Variants in ADGRB3 observed in about 807,000 individuals in gnomAD.
ADGRB3 encodes adhesion G protein-coupled receptor B3.
Under a neutral mutation model 193.4 loss-of-function variants are expected in ADGRB3, and 37 were observed. The ratio of observed to expected loss-of-function variants is 0.19; its 90% confidence interval spans 0.15 to 0.25. The LOEUF (loss-of-function observed/expected upper bound fraction) is 0.25, where lower values mean the gene tolerates loss of function less well. ADGRB3 is among the 10% of genes least tolerant of loss of function. The pLI is 1.00. For missense variants in ADGRB3, 1,637 were observed against 1,852.9 expected (o/e 0.88, Z 2.14); for synonymous variants, 690 against 644.2 (o/e 1.07, Z -1.08).
At chr6:68,733,667 G>GA (rs1765817708) in intron 3 of ADGRB3, among the ~76,000 whole-genome samples, 1 of 150,718 alleles carries the variant, frequency 6.6e-6, no homozygotes, top group Admixed American at 6.6e-5. Context: ...GGCTAGTGGG[G>GA]TTTGGAGGGC....
chr6:68,691,740 A>G (rs1765079505), intron 3 of ADGRB3, among the ~76,000 whole-genome samples: 1 of 151,818 alleles, frequency 6.6e-6, no homozygotes, highest in Admixed American at 6.6e-5. Flanking sequence ...AATAGGTGCT[A>G]ATGTTCACCA....
At position 68,682,114 on chromosome 6, in the gene ADGRB3, A is replaced by C. The variant is rs530905978; in HGVS notation, c.757+42682A>C. ...ACCAGTTGCAGATGAGTGTCTTCCC[A>C]CTCTACATTTACAGCTGAATCTTTC... On this transcript the variant is annotated intron_variant, in intron 3 of 31. Coordinates refer to ENST00000370598, the MANE Select transcript of ADGRB3 (RefSeq NM_001704.3). Among the ~76,000 whole-genome samples the C allele has an allele frequency of 9.0e-4, 137 of 152,230 alleles. No homozygotes were observed. In the South Asian group the frequency reaches 0.014, roughly 16 times the overall value.
intron 3 of ADGRB3, among the ~76,000 whole-genome samples, chr6:68,713,371 T>C (rs1309275133): frequency 6.6e-6 from 1 of 151,840 alleles, no homozygotes; most frequent in African/African-American, 2.4e-5. Context: ...TCTGATTTCC[T>C]GGAGTTGATG....
intron 3 of ADGRB3, among the ~76,000 whole-genome samples, chr6:68,742,322 A>G (rs569597045): frequency 5.3e-5 from 8 of 152,318 alleles, no homozygotes; most frequent in East Asian, 1.9e-4. Flanking sequence ...TATGAATGGA[A>G]ATTTAATCCT....
chr6:69,353,655 A>G (rs1472983593), intron 26 of ADGRB3, among the ~76,000 whole-genome samples: 2 of 152,256 alleles, frequency 1.3e-5, no homozygotes, highest in African/African-American at 4.8e-5. Flanking sequence ...GTGTTGAGCC[A>G]GATATAGCTA....
At chr6:69,121,143 G>A (rs1773673512) in intron 17 of ADGRB3, among the ~76,000 whole-genome samples, 1 of 151,996 alleles carries the variant, frequency 6.6e-6, no homozygotes, top group Non-Finnish European at 1.5e-5. Context: ...CCTAGGCAGA[G>A]GTCCCTGCGG....
chr6:69,031,887 C>T (rs1770722707), intron 13 of ADGRB3, among the ~76,000 whole-genome samples: 1 of 152,044 alleles, frequency 6.6e-6, no homozygotes, highest in South Asian at 2.1e-4. Flanking sequence ...CCACCTTGGC[C>T]TCCAAAAGTG....
At chr6:69,378,175 C>T (rs1409078832) in intron 30 of ADGRB3, among the ~76,000 whole-genome samples, 1 of 151,998 alleles carries the variant, frequency 6.6e-6, no homozygotes, top group African/African-American at 2.4e-5. Flanking sequence ...GAAGACCAGC[C>T]ATTAAAAATA....
At chr6:68,804,587 C>T (rs1767369759) in intron 3 of ADGRB3, among the ~76,000 whole-genome samples, 1 of 152,028 alleles carries the variant, frequency 6.6e-6, no homozygotes, top group Non-Finnish European at 1.5e-5. Context: ...TGATAAGATT[C>T]TGTCCTCCAT....
intron 13 of ADGRB3, among the ~76,000 whole-genome samples, chr6:69,018,969 C>T (rs1443875678): frequency 6.6e-6 from 1 of 151,958 alleles, no homozygotes; most frequent in African/African-American, 2.4e-5. Context: ...TGGTAGAACA[C>T]TTGAGAATAA....
chr6:68,886,808 G>A (rs1342074666), intron 3 of ADGRB3, among the ~76,000 whole-genome samples: 4 of 151,834 alleles, frequency 2.6e-5, no homozygotes, highest in Non-Finnish European at 5.9e-5. Context: ...GAGATTTTAT[G>A]TCTAAAAATA....
rs145609682 is a variant in ADGRB3 at position 68,749,134 on chromosome 6, G to A, written c.757+109702G>A. On this transcript the variant is annotated intron_variant, in intron 3 of 31. Transcript: ENST00000370598. ...GGTCTATGATGGGAGGGGCTGCCAT[G>A]AAGGTCTCTGACATGGCCTGGAGAC... Among the ~76,000 whole-genome samples, 1,075 of 152,270 alleles carry A rather than the reference G, an allele frequency of 7.1e-3. 30 individuals are homozygous for A. In the East Asian group the frequency reaches 0.076, roughly 11 times the overall value.
chr6:68,892,810 A>G (rs1291308390), intron 3 of ADGRB3, among the ~76,000 whole-genome samples: 1 of 152,150 alleles, frequency 6.6e-6, no homozygotes, highest in African/African-American at 2.4e-5. Context: ...TATACCTCAA[A>G]AAGTTTATTA....
chr6:68,653,581 G>A (rs1223223706), intron 3 of ADGRB3, among the ~76,000 whole-genome samples: 1 of 151,966 alleles, frequency 6.6e-6, no homozygotes, highest in Non-Finnish European at 1.5e-5. Flanking sequence ...TCTTGTTTTA[G>A]CCTACTTAAA....
At chr6:68,867,345 G>T (rs1038278015) in intron 3 of ADGRB3, among the ~76,000 whole-genome samples, 23 of 152,196 alleles carry the variant, frequency 1.5e-4, no homozygotes, top group African/African-American at 5.5e-4. Flanking sequence ...CTTCCATGTG[G>T]TGTTGAGCCT....
At chr6:68,897,559 A>AGAG (rs1766262723) in intron 3 of ADGRB3, among the ~76,000 whole-genome samples, 1 of 78,510 alleles carries the variant, frequency 1.3e-5, no homozygotes, top group Non-Finnish European at 2.6e-5. Flanking sequence ...AAGGAAGGAA[A>AGAG]GAAAGAGAAA....
intron 3 of ADGRB3, among the ~76,000 whole-genome samples, chr6:68,694,988 G>A (rs1049897584): frequency 6.6e-6 from 1 of 152,032 alleles, no homozygotes; most frequent in Non-Finnish European, 1.5e-5. Context: ...GAGGTAATAG[G>A]CATCGTATAG....
In ADGRB3 at chr6:69,129,512, G is replaced by A. The variant is rs77327247; in HGVS notation, c.2480+53474G>A. 5.3e-5 allele frequency among the ~76,000 whole-genome samples: 8 copies of A among 151,902 alleles called. No homozygotes were observed. The East Asian group carries it at 1.5e-3, about 29-fold the overall frequency. Reference sequence around the variant, plus strand: ...AAACATAAGAACATTGGAAGAAGAGGGTGTTACATAGAAAAGTCATAAGAA... The same window carrying A: ...AAACATAAGAACATTGGAAGAAGAGAGTGTTACATAGAAAAGTCATAAGAA... On this transcript the variant is annotated intron_variant, in intron 17 of 31. Coordinates refer to ENST00000370598, the MANE Select transcript of ADGRB3 (RefSeq NM_001704.3).
intron 20 of ADGRB3, 70 bp from the exon 21 acceptor site, chr6:69,324,802 C>A: frequency 2.0e-6 from 3 of 1,492,638 alleles, no homozygotes; most frequent in African/African-American, 2.8e-5. Context: ...GATTAACAAT[C>A]CCCTGAAGAA....
Sources: gnomAD v4.1 joint callset for allele counts (sites outside exome capture counted in the v4.1 genomes callset) on GRCh38, gnomAD v4.1.1 for gene constraint, MANE v1.5 for transcripts, NCBI Gene and HGNC (gene_info 2026-07-23, HGNC 2026-07-21) for gene names.